ST6GALNAC3: variants seen among roughly 807,000 people sequenced by gnomAD.
ST6GALNAC3 encodes the protein ST6 N-acetylgalactosaminide alpha-2,6-sialyltransferase 3.
A neutral mutation model predicts 32.7 loss-of-function variants in ST6GALNAC3; 25 were observed. The observed-to-expected ratio is 0.76, with a 90% CI of 0.56 to 1.07. The LOEUF (loss-of-function observed/expected upper bound fraction) is 1.07, where lower values mean the gene tolerates loss of function less well. Among genes scored for constraint, ST6GALNAC3 ranks in the 50% least tolerant of loss-of-function variants. The probability of loss-of-function intolerance (pLI) is 0.00; values close to 1 mark genes in which losing one functional copy is unlikely to be tolerated. For missense variants in ST6GALNAC3, 355 were observed against 382.4 expected, an observed-to-expected ratio of 0.93 and a Z score of 0.60; for synonymous variants, 129 against 133.1, an observed-to-expected ratio of 0.97 and a Z score of 0.21.
At chr1:76,243,701 A>T (rs1657094087) in intron 1 of ST6GALNAC3, among the ~76,000 whole-genome samples, 1 of 152,182 alleles carries the variant, frequency 6.6e-6, no homozygotes. Context: ...ACATTTATTA[A>T]ATAGGAAATC....
chr1:76,286,244 C>G (rs1447878507), intron 1 of ST6GALNAC3, among the ~76,000 whole-genome samples: 4 of 152,190 alleles, frequency 2.6e-5, no homozygotes, highest in Admixed American at 1.3e-4. Flanking sequence ...TGGGCCTAAG[C>G]TATGACTATT....
chr1:76,620,188 A>T (rs1648549545), intron 3 of ST6GALNAC3, among the ~76,000 whole-genome samples: 1 of 152,090 alleles, frequency 6.6e-6, no homozygotes, highest in African/African-American at 2.4e-5. Context: ...CTTGATATAT[A>T]AGATTGAAAA....
intron 1 of ST6GALNAC3, among the ~76,000 whole-genome samples, chr1:76,153,982 G>A (rs1651218783): frequency 6.6e-6 from 1 of 152,176 alleles, no homozygotes; most frequent in South Asian, 2.1e-4. Flanking sequence ...TCACAGTGAT[G>A]AGTTGCCTGT....
intron 1 of ST6GALNAC3, among the ~76,000 whole-genome samples, chr1:76,247,908 A>C (rs1477948437): frequency 6.6e-6 from 1 of 151,638 alleles, no homozygotes; most frequent in Non-Finnish European, 1.5e-5. Context: ...TGTCTGCCCA[A>C]ACAGCCGCCC....
intron 3 of ST6GALNAC3, among the ~76,000 whole-genome samples, chr1:76,595,203 C>T (rs1647115965): frequency 6.6e-6 from 1 of 152,096 alleles, no homozygotes; most frequent in South Asian, 2.1e-4. Flanking sequence ...TGCCGAAAGC[C>T]TGAAGCCAAC....
At chr1:76,394,597 T>C (rs1172622293) in intron 2 of ST6GALNAC3, among the ~76,000 whole-genome samples, 1 of 152,228 alleles carries the variant, frequency 6.6e-6, no homozygotes, top group Non-Finnish European at 1.5e-5. Flanking sequence ...GTGTTATCTA[T>C]ACTTTTTCAA....
chr1:76,446,738 A>C (rs1204053091), intron 3 of ST6GALNAC3, among the ~76,000 whole-genome samples: 1 of 152,144 alleles, frequency 6.6e-6, no homozygotes, highest in African/African-American at 2.4e-5. Flanking sequence ...TGGTTTTAAA[A>C]ATGGGAGTTT....
At chr1:76,365,515 T>TTAAAGG (rs1650297338) in intron 2 of ST6GALNAC3, among the ~76,000 whole-genome samples, 2 of 152,224 alleles carry the variant, frequency 1.3e-5, no homozygotes, top group Non-Finnish European at 2.9e-5. Context: ...TCCACCTTTA[T>TTAAAGG]TAAAGGTAAA....
At chr1:76,304,848 G>C (rs1660947563) in intron 1 of ST6GALNAC3, among the ~76,000 whole-genome samples, 1 of 152,064 alleles carries the variant, frequency 6.6e-6, no homozygotes, top group Admixed American at 6.6e-5. Context: ...CTCTGCTTCT[G>C]TGTCCTGAAC....
At chr1:76,351,899 C>T (rs1570930292) in intron 2 of ST6GALNAC3, among the ~76,000 whole-genome samples, 1 of 152,090 alleles carries the variant, frequency 6.6e-6, no homozygotes, top group African/African-American at 2.4e-5. Flanking sequence ...ATTGTCTCAT[C>T]CCCTGGGATG....
At chr1:76,212,426 G>A (rs1655219142) in intron 1 of ST6GALNAC3, among the ~76,000 whole-genome samples, 1 of 152,030 alleles carries the variant, frequency 6.6e-6, no homozygotes. Context: ...ACATCATGTT[G>A]ATTTTTAATC....
At chr1:76,277,519 T>C (rs1659198912) in intron 1 of ST6GALNAC3, among the ~76,000 whole-genome samples, 1 of 114,052 alleles carries the variant, frequency 8.8e-6, no homozygotes, top group African/African-American at 4.4e-5. Context: ...TATATGTATA[T>C]GTTTATGTGT....
At chr1:76,428,795 A>C (rs1222258380) in intron 3 of ST6GALNAC3, among the ~76,000 whole-genome samples, 1 of 152,156 alleles carries the variant, frequency 6.6e-6, no homozygotes, top group Non-Finnish European at 1.5e-5. Flanking sequence ...TAGCTAATGA[A>C]AGTGTGACAA....
chr1:76,313,768 C>T, intron 1 of ST6GALNAC3, 37 bp from the exon 2 acceptor site: 1 of 1,607,156 alleles, frequency 6.2e-7, no homozygotes, highest in East Asian at 2.2e-5. Flanking sequence ...GGTTGAAAGT[C>T]ATTCGTTCTT....
chr1:76,501,075 T>C (rs1392164656), intron 3 of ST6GALNAC3, among the ~76,000 whole-genome samples: 1 of 152,226 alleles, frequency 6.6e-6, no homozygotes, highest in Non-Finnish European at 1.5e-5. Flanking sequence ...TTTTTACCCT[T>C]GTTCCAATGT....
At chr1:76,376,975 A>G (rs771482592) in intron 2 of ST6GALNAC3, among the ~76,000 whole-genome samples, 1 of 152,150 alleles carries the variant, frequency 6.6e-6, no homozygotes, top group Non-Finnish European at 1.5e-5. Context: ...TATGTGAATT[A>G]TATTCCTTTT....
intron 3 of ST6GALNAC3, among the ~76,000 whole-genome samples, chr1:76,532,826 A>G (rs1381301018): frequency 1.3e-5 from 2 of 151,964 alleles, no homozygotes; most frequent in Admixed American, 1.3e-4. Context: ...CCAAAACTGG[A>G]GACAAAAGCT....
intron 2 of ST6GALNAC3, among the ~76,000 whole-genome samples, chr1:76,404,817 C>G (rs1353744085): frequency 1.3e-5 from 2 of 151,922 alleles, no homozygotes; most frequent in African/African-American, 4.8e-5. Context: ...ATTTAAGGTG[C>G]CAGGAGTGTC....
At chr1:76,429,408 A>G in intron 3 of ST6GALNAC3, among the ~76,000 whole-genome samples, 1 of 152,194 alleles carries the variant, frequency 6.6e-6, no homozygotes, top group South Asian at 2.1e-4. Context: ...ACATGGTGCT[A>G]GTATTTACTA....
Sources: gnomAD v4.1 joint callset for allele counts (sites outside exome capture counted in the v4.1 genomes callset) on GRCh38, gnomAD v4.1.1 for gene constraint, MANE v1.5 for transcripts, NCBI Gene and HGNC (gene_info 2026-07-23, HGNC 2026-07-21) for gene names.